ZNF664: variants seen among roughly 807,000 people sequenced by gnomAD.
ZNF664 encodes zinc finger protein 664.
ZNF664 carries 10 observed loss-of-function variants against 18.2 expected under a neutral mutation model. The ratio of observed to expected loss-of-function variants is 0.55; its 90% CI spans 0.34 to 0.93. The LOEUF (loss-of-function observed/expected upper bound fraction) is 0.93, where lower values mean the gene tolerates loss of function less well. Ranked by LOEUF, ZNF664 falls within the 40% of genes least tolerant of loss-of-function variation. The pLI is 0.02. For synonymous variants in ZNF664, 119 were observed against 104.2 expected (o/e 1.14, Z -0.86); for missense variants, 193 against 319.0 (o/e 0.61, Z 3.01).
At position 124,000,445 on chromosome 12, in the gene ZNF664, C is replaced by T. The variant is rs567242903; in HGVS notation, c.-660-10936C>T. Among the ~76,000 whole-genome samples, 4 of 152,318 alleles carry T rather than the reference C, an allele frequency of 2.6e-5. No individual in the cohort carries two copies. The East Asian group carries it at 7.7e-4, about 29-fold the overall frequency. On this transcript the variant is annotated intron_variant, in intron 3 of 4. Transcript: ENST00000337815. ...GAGCTTTGGATCCTGTCTCCATTGG[C>T]CCTTTCTGTTATTTCTTTTCTCTCC...
rs1268884862 is a variant in ZNF664, at chr12:124,013,086, C to T, written c.*156C>T. The T allele has an allele frequency of 9.5e-7, 1 of 1,051,582 alleles. No individual in the cohort carries two copies. Among genetic ancestry groups the T allele is most frequent in the African/African-American group, 1.6e-5 (1 of 61,178 alleles). The allele number at this position is 1,051,582 out of a possible 1,614,324, so 65.1% of individuals were successfully genotyped here. A position where few individuals can be genotyped will look rare whatever the true frequency, so the allele number is the denominator to read the frequency against. On this transcript the variant is annotated 3_prime_UTR_variant, in exon 5 of 5. Coordinates refer to ENST00000337815, the MANE Select transcript of ZNF664 (RefSeq NM_152437.3). ...TGTGAGATTGATTTGTTGGTTCATGCCAAGTGTGTTCCACAGGTTGACTTT... is the reference window on the plus strand; with the variant it reads ...TGTGAGATTGATTTGTTGGTTCATGTCAAGTGTGTTCCACAGGTTGACTTT...
At position 124,012,246 on chromosome 12, in the gene ZNF664, C is replaced by T. The variant is rs1957142585; in HGVS notation, c.102C>T (p.Asp34=). The T allele has an allele frequency of 6.2e-6, 10 of 1,614,032 alleles. No homozygotes were observed. Among genetic ancestry groups the T allele is most frequent in the Non-Finnish European group, 8.5e-6 (10 of 1,180,032 alleles). ...CAGCTGAGAAGCCCCATAAATGTGA[C>T]AAGTGTGATAAGGGTTTCTTTCATA... The part of the protein sequence containing the change: ...IHTAEKPHKC[D]KCDKGFFHIS... The change falls in exon 5 of 5, where the codon GAC becomes GAT. Residue 34 remains aspartate (D), a synonymous_variant. Transcript: ENST00000337815.
In ZNF664 at chr12:124,011,985, G is replaced by T; in HGVS notation, c.-160G>T. The T allele has an allele frequency of 4.9e-6, 7 of 1,430,012 alleles. No individual in the cohort carries two copies. The South Asian group carries it at 7.9e-5, about 16-fold the overall frequency. 88.6% of individuals were successfully genotyped at this position (1,430,012 alleles called of 1,614,324 possible). A position where few individuals can be genotyped will look rare whatever the true frequency, so the allele number is the denominator to read the frequency against. On this transcript the variant is annotated 5_prime_UTR_variant, in exon 5 of 5. Transcript: ENST00000337815. Reference sequence around the variant, plus strand: ...GAAGAAACCTTCCGTAGAAAGACAGGCAGGGAAAAGCTTAGGCTGACCTTA... The same window carrying T: ...GAAGAAACCTTCCGTAGAAAGACAGTCAGGGAAAAGCTTAGGCTGACCTTA...
intron 1 of ZNF664, 126 bp downstream of exon 1, chr12:123,973,478 A>G (rs1256526973): frequency 1.8e-6 from 1 of 545,896 alleles, no homozygotes; most frequent in Admixed American, 6.4e-5. Context: ...AAAACAACCC[A>G]TCCCGGAGGA....
intron 3 of ZNF664, among the ~76,000 whole-genome samples, chr12:124,004,556 T>G (rs1279848408): frequency 1.3e-5 from 2 of 152,216 alleles, no homozygotes; most frequent in African/African-American, 2.4e-5. Context: ...GGCTTTAGAT[T>G]GTCATACAGG....
intron 3 of ZNF664, among the ~76,000 whole-genome samples, chr12:123,995,860 G>A (rs868386446): frequency 2.2e-4 from 33 of 152,196 alleles, no homozygotes; most frequent in Non-Finnish European, 3.8e-4. Context: ...ACAGAGGTCT[G>A]TTTTGTACCC....
chr12:123,973,286 G>A lies in ZNF664; in HGVS notation c.-958G>A. Reference sequence around the variant, plus strand: ...CGGCTCGGAGGCGCACCTGTGAGGTGTCCCTGAGGAGAGGGAGGTGGGTGC... The same window carrying A: ...CGGCTCGGAGGCGCACCTGTGAGGTATCCCTGAGGAGAGGGAGGTGGGTGC... On this transcript the variant is annotated 5_prime_UTR_variant, in exon 1 of 5. Transcript: ENST00000337815. The A allele has an allele frequency of 1.0e-6, 1 of 1,000,190 alleles. No individual in the cohort carries two copies. The highest frequency in any genetic ancestry group is 1.2e-6 in the Non-Finnish European group (1 of 842,378). The allele number at this position is 1,000,190 out of a possible 1,614,324, so 62.0% of individuals were successfully genotyped here.
chr12:123,973,642 G>C, intron 1 of ZNF664: 1 of 576,426 alleles, frequency 1.7e-6, no homozygotes, highest in Non-Finnish European at 2.3e-6. Flanking sequence ...CGGTGCGAGC[G>C]AGGGCTGGGC....
intron 2 of ZNF664, 186 bp downstream of exon 2, chr12:123,974,206 G>C: frequency 4.8e-6 from 2 of 416,480 alleles, no homozygotes; most frequent in Non-Finnish European, 8.2e-6. Flanking sequence ...ATTTCCCCCA[G>C]AACTCAGCTC....
intron 2 of ZNF664, 122 bp downstream of exon 2, chr12:123,974,142 C>A (rs1026704970): frequency 7.7e-6 from 5 of 651,056 alleles, no homozygotes; most frequent in Non-Finnish European, 1.1e-5. Flanking sequence ...ACTCCGTATA[C>A]CCCCTCCCAG....
At chr12:123,984,584 AGAAAGAAAACAGTT>A (rs987576000) in intron 2 of ZNF664, among the ~76,000 whole-genome samples, 3 of 152,162 alleles carry the variant, frequency 2.0e-5, no homozygotes, top group Non-Finnish European at 4.4e-5. Flanking sequence ...AAACAAGCAC[AGAAAGAAAACAGTT>A]GAAAGGGGTG....
At chr12:124,006,641 T>C (rs1375224397) in intron 3 of ZNF664, among the ~76,000 whole-genome samples, 1 of 152,260 alleles carries the variant, frequency 6.6e-6, no homozygotes, top group East Asian at 1.9e-4. Flanking sequence ...AGGCTCCTTT[T>C]CATGAAAGGT....
At position 124,011,607 on chromosome 12, in the gene ZNF664, G is replaced by C; in HGVS notation, c.-538G>C. 3.0e-6 allele frequency: 3 copies of C among 1,004,930 alleles called. No individual in the cohort carries two copies. The highest frequency in any genetic ancestry group is 3.5e-6 in the Non-Finnish European group (3 of 845,334). The allele number at this position is 1,004,930 out of a possible 1,614,324, so 62.3% of individuals were successfully genotyped here. A position where few individuals can be genotyped will look rare whatever the true frequency, so the allele number is the denominator to read the frequency against. Reference sequence around the variant, plus strand: ...GCAGGGCTTGCCATACCTGGACCCCGAGGAGCCTGCTTGCTGGAAAGGCTT... The same window carrying C: ...GCAGGGCTTGCCATACCTGGACCCCCAGGAGCCTGCTTGCTGGAAAGGCTT... On this transcript the variant is annotated 5_prime_UTR_variant, in exon 5 of 5. Coordinates refer to ENST00000337815, the MANE Select transcript of ZNF664 (RefSeq NM_152437.3).
intron 2 of ZNF664, among the ~76,000 whole-genome samples, chr12:123,975,604 A>C (rs1186348456): frequency 6.6e-6 from 1 of 151,982 alleles, no homozygotes; most frequent in Admixed American, 6.6e-5. Flanking sequence ...GATTTATTTT[A>C]TTTTTGTAAT....
intron 2 of ZNF664, among the ~76,000 whole-genome samples, chr12:123,976,284 T>C (rs1231030799): frequency 6.6e-6 from 1 of 152,194 alleles, no homozygotes; most frequent in Non-Finnish European, 1.5e-5. Flanking sequence ...GGAAAGACTT[T>C]TCTGTATAAA....
At chr12:124,006,063 AT>A (rs1957070258) in intron 3 of ZNF664, 2 of 152,424 alleles carry the variant, frequency 1.3e-5, no homozygotes, top group Admixed American at 1.3e-4. Context: ...TCAAGGCTGA[AT>A]GGCTGCTAAT....
At position 124,010,181 on chromosome 12, in the gene ZNF664, C is replaced by T. The variant is rs114935171; in HGVS notation, c.-660-1200C>T. Among the ~76,000 whole-genome samples, 672 of 152,024 alleles carry T rather than the reference C, an allele frequency of 4.4e-3. 3 individuals carry two copies. The highest frequency in any genetic ancestry group is 0.016 in the African/African-American group (652 of 41,472). On this transcript the variant is annotated intron_variant, in intron 3 of 4. Transcript: ENST00000337815. Reference sequence around the variant, plus strand: ...TTTGTAGATATATGACCATTTTTGCCGAAATTTTGGGGACCTAATTGAATT... The same window carrying T: ...TTTGTAGATATATGACCATTTTTGCTGAAATTTTGGGGACCTAATTGAATT...
At position 124,012,099 on chromosome 12, in the gene ZNF664, T is replaced by C. The variant is rs776256233; in HGVS notation, c.-46T>C. The C allele has an allele frequency of 1.8e-5, 28 of 1,561,818 alleles. No individual in the cohort carries two copies. Among genetic ancestry groups the C allele is most frequent in the Non-Finnish European group, 1.7e-6 (2 of 1,161,816 alleles). ...AATAACAGTCTTGTAACTGTAGTAA[T>C]CATAAGGAAATTTTCTCCTTGAAAT... On this transcript the variant is annotated 5_prime_UTR_variant, in exon 5 of 5. Transcript: ENST00000337815.
intron 3 of ZNF664, among the ~76,000 whole-genome samples, chr12:124,000,353 C>A (rs1594566093): frequency 1.3e-5 from 2 of 152,212 alleles, no homozygotes; most frequent in East Asian, 3.9e-4. Context: ...AACACACACA[C>A]CACTTCCTAC....
Sources: gnomAD v4.1 joint callset for allele counts (sites outside exome capture counted in the v4.1 genomes callset) on GRCh38, gnomAD v4.1.1 for gene constraint, MANE v1.5 for transcripts, NCBI Gene and HGNC (gene_info 2026-07-23, HGNC 2026-07-21) for gene names.